Variants in CCDC30 observed in about 807,000 individuals in gnomAD.
CCDC30 encodes the protein coiled-coil domain containing 30.
In CCDC30, 70 loss-of-function variants were observed where a neutral mutation model predicts 100.2. That is an observed-to-expected ratio of 0.70 (90% CI 0.58 to 0.85). The LOEUF is 0.85. CCDC30 is among the 40% of genes least tolerant of loss of function. The pLI is 0.00. For synonymous variants in CCDC30, 233 were observed against 269.5 expected, an observed-to-expected ratio of 0.86 and a Z score of 1.33; for missense variants, 652 against 771.2, an observed-to-expected ratio of 0.85 and a Z score of 1.83.
At chr1:42,536,399 G>A in intron 6 of CCDC30, 77 bp from the exon 7 acceptor site, 1 of 894,120 alleles carries the variant, frequency 1.1e-6, no homozygotes, top group Non-Finnish European at 1.7e-6. Flanking sequence ...TATTGAGTTA[G>A]AAAGTTGTTA....
downstream of CCDC30, among the ~76,000 whole-genome samples, chr1:42,657,025 A>G (rs1648688723): frequency 6.6e-6 from 1 of 152,086 alleles, no homozygotes; most frequent in African/African-American, 2.4e-5. Flanking sequence ...GTTGGAGGAG[A>G]CCAAGAGGAG....
At chr1:42,516,687 A>T (rs1644560375) in intron 6 of CCDC30, among the ~76,000 whole-genome samples, 1 of 152,052 alleles carries the variant, frequency 6.6e-6, no homozygotes, top group Admixed American at 6.6e-5. Context: ...ATAAGCTGAA[A>T]TAGCATAAGG....
chr1:42,519,451 T>C (rs1644603211), intron 6 of CCDC30, among the ~76,000 whole-genome samples: 1 of 152,216 alleles, frequency 6.6e-6, no homozygotes, highest in Non-Finnish European at 1.5e-5. Flanking sequence ...TACTGATTCA[T>C]TCTTCTTACT....
chr1:42,574,883 T>A (rs1645801787), intron 7 of CCDC30, among the ~76,000 whole-genome samples: 1 of 152,196 alleles, frequency 6.6e-6, no homozygotes, highest in African/African-American at 2.4e-5. Context: ...TTATTGAATA[T>A]CAACACTTAA....
At chr1:42,607,570 AAAAG>A (rs1364659138) in intron 10 of CCDC30, among the ~76,000 whole-genome samples, 1 of 151,852 alleles carries the variant, frequency 6.6e-6, no homozygotes, top group African/African-American at 2.4e-5. Context: ...AAAAAAAAAA[AAAAG>A]AAAGGAAGGA....
At chr1:42,640,094 T>C (rs904583088) in intron 12 of CCDC30, among the ~76,000 whole-genome samples, 1 of 152,198 alleles carries the variant, frequency 6.6e-6, no homozygotes, top group Non-Finnish European at 1.5e-5. Flanking sequence ...AATGCCACAG[T>C]GGTACAAACC....
In CCDC30 at chr1:42,516,935, AT is replaced by A. The variant is rs371534668; in HGVS notation, c.456+18021del. On this transcript the variant is annotated intron_variant, in intron 6 of 16. Transcript: ENST00000668663. The stretch of plus-strand genomic sequence containing the variant: ...TCTTCTTTGGAGAAATATCTATTAA[AT>A]TATTTCCTCATTATTGAATTAGGTT... 3.8e-3 allele frequency among the ~76,000 whole-genome samples: 581 copies of A among 152,272 alleles called. 1 individual carries two copies. Among genetic ancestry groups the A allele is most frequent in the African/African-American group, 0.012 (515 of 41,558 alleles).
the CCDC30 span, chr1:42,457,151 T>C: frequency 1.9e-6 from 3 of 1,592,740 alleles, no homozygotes; most frequent in African/African-American, 2.7e-5. Flanking sequence ...ACCTCCTGCT[T>C]ACCCACGGAT....
At position 42,588,732 on chromosome 1, in the gene CCDC30, C is replaced by T. The variant is rs188654117; in HGVS notation, c.1002-589C>T. Among the ~76,000 whole-genome samples the T allele has an allele frequency of 1.9e-3, 292 of 152,178 alleles. 1 individual carries two copies. Among genetic ancestry groups the T allele is most frequent in the African/African-American group, 6.3e-3 (261 of 41,508 alleles). ...TTCTCCTTGGTAAGTCCAGTCTTCA[C>T]GCAGATAAGAGAAAAGCCTCTTCTA... On this transcript the variant is annotated intron_variant, in intron 9 of 16. Transcript: ENST00000668663.
intron 6 of CCDC30, among the ~76,000 whole-genome samples, chr1:42,524,304 T>C (rs1211956059): frequency 1.3e-5 from 2 of 152,212 alleles, no homozygotes; most frequent in Non-Finnish European, 2.9e-5. Context: ...TAAGGTCTTC[T>C]GGAGTCTTTT....
At position 42,503,370 on chromosome 1, in the gene CCDC30, C is replaced by T. The variant is rs532296838; in HGVS notation, c.456+4454C>T. Reference sequence around the variant, plus strand: ...GGGGCATCCAAAAGATAAAAGCTGGCCTGCAGCAGACTGCATCAGATTTTA... The same window carrying T: ...GGGGCATCCAAAAGATAAAAGCTGGTCTGCAGCAGACTGCATCAGATTTTA... On this transcript the variant is annotated intron_variant, in intron 6 of 16. Transcript: ENST00000668663. Among the ~76,000 whole-genome samples the T allele has an allele frequency of 4.4e-4, 67 of 152,268 alleles. No homozygotes were observed. The South Asian group carries it at 9.1e-3, about 21-fold the overall frequency.
intron 9 of CCDC30, 130 bp downstream of exon 13, chr1:42,581,644 A>G: frequency 1.3e-6 from 1 of 754,064 alleles, no homozygotes; most frequent in Non-Finnish European, 2.1e-6. Flanking sequence ...ACTCAGCCAC[A>G]CACAATTCCT....
chr1:42,515,542 C>T (rs1644541971), intron 6 of CCDC30, among the ~76,000 whole-genome samples: 1 of 152,200 alleles, frequency 6.6e-6, no homozygotes. Flanking sequence ...CTGGAAAATG[C>T]AGCAACAAGG....
chr1:42,527,217 T>G (rs1644735861), intron 6 of CCDC30, among the ~76,000 whole-genome samples: 1 of 152,228 alleles, frequency 6.6e-6, no homozygotes, highest in African/African-American at 2.4e-5. Flanking sequence ...GCTGATAACT[T>G]TACAGGGTAA....
intron 6 of CCDC30, among the ~76,000 whole-genome samples, chr1:42,542,366 GT>G (rs1333942516): frequency 6.6e-6 from 1 of 151,768 alleles, no homozygotes; most frequent in Non-Finnish European, 1.5e-5. Context: ...AAACTCCACT[GT>G]TTTATCCTTT....
At chr1:42,546,399 A>AATATATATATAT (rs66804938) in intron 6 of CCDC30, among the ~76,000 whole-genome samples, 3 of 11,970 alleles carry the variant, frequency 2.5e-4, no homozygotes, top group African/African-American at 6.1e-4. Flanking sequence ...AAAAAAAAAA[A>AATATATATATAT]ATATATATAT....
At chr1:42,582,127 G>A (rs1216646887) in intron 9 of CCDC30, among the ~76,000 whole-genome samples, 2 of 151,724 alleles carry the variant, frequency 1.3e-5, no homozygotes, top group Non-Finnish European at 1.5e-5. Context: ...CTACTCAGGA[G>A]GCTGAGGTAG....
chr1:42,608,517 C>T (rs1328209598), intron 10 of CCDC30, among the ~76,000 whole-genome samples: 2 of 151,714 alleles, frequency 1.3e-5, no homozygotes, highest in Non-Finnish European at 2.9e-5. Context: ...CTGGCTAACA[C>T]CGTGAAACCC....
rs538819983 is a variant in CCDC30, at chr1:42,476,587, G to A, written c.-91-3874G>A. On this transcript the variant is annotated intron_variant, in intron 1 of 16. Transcript: ENST00000668663. ...TGCCTGTAATCTCAGCTACTTGGGA[G>A]ACTGAGGCAGGAGAATTGCTTGAAC... 5.7e-4 allele frequency among the ~76,000 whole-genome samples: 87 copies of A among 151,978 alleles called. 1 individual carries two copies. The Middle Eastern group carries it at 0.01, about 18-fold the overall frequency.
Sources: allele counts gnomAD v4.1 joint callset (sites outside exome capture counted in the v4.1 genomes callset), GRCh38; gene constraint gnomAD v4.1.1; transcripts MANE v1.5; gene names NCBI Gene and HGNC (gene_info 2026-07-23, HGNC 2026-07-21).